Variants in SCARA3 observed in about 807,000 individuals in gnomAD.
The protein encoded by SCARA3 is cellular stress response gene protein.
In SCARA3, 39 loss-of-function variants were observed where a neutral mutation model predicts 47.0. That is an observed-to-expected ratio of 0.83 (90% CI 0.64 to 1.08). The LOEUF (loss-of-function observed/expected upper bound fraction) is 1.08, where lower values mean the gene tolerates loss of function less well. Ranked by LOEUF, SCARA3 falls within the 50% of genes least tolerant of loss-of-function variation. The probability of loss-of-function intolerance (pLI) is 0.00; values close to 1 mark genes in which losing one functional copy is unlikely to be tolerated. For missense variants in SCARA3, 724 were observed against 792.3 expected (o/e 0.91, Z 1.04); for synonymous variants, 356 against 334.1 (o/e 1.07, Z -0.71).
intron 1 of SCARA3, among the ~76,000 whole-genome samples, chr8:27,649,239 T>C (rs941354288): frequency 2.0e-5 from 3 of 152,174 alleles, no homozygotes; most frequent in African/African-American, 7.2e-5. Context: ...CTCCTCCCTC[T>C]GGCCTCCTCC....
intron 1 of SCARA3, among the ~76,000 whole-genome samples, chr8:27,634,621 C>A (rs905551423): frequency 1.3e-5 from 2 of 152,190 alleles, no homozygotes; most frequent in African/African-American, 4.8e-5. Flanking sequence ...AACCGGGGGC[C>A]AGGCCTAGGA....
chr8:27,696,305 T>A, the SCARA3 span, among the ~76,000 whole-genome samples: 2 of 152,266 alleles, frequency 1.3e-5, no homozygotes, highest in East Asian at 3.9e-4. Flanking sequence ...CCATCATGCC[T>A]GGCCAAGAGA....
chr8:27,711,616 T>C, the SCARA3 span, among the ~76,000 whole-genome samples: 4 of 152,220 alleles, frequency 2.6e-5, no homozygotes, highest in Non-Finnish European at 5.9e-5. Flanking sequence ...TAGGAAGTAC[T>C]CATTGCTACT....
chr8:27,648,989 G>A (rs1387350939), intron 1 of SCARA3, among the ~76,000 whole-genome samples: 1 of 152,072 alleles, frequency 6.6e-6, no homozygotes, highest in African/African-American at 2.4e-5. Context: ...AGGAGAAAGG[G>A]AAGAAAAGGC....
At chr8:27,691,212 T>G in the SCARA3 span, among the ~76,000 whole-genome samples, 4 of 151,250 alleles carry the variant, frequency 2.6e-5, no homozygotes, top group Admixed American at 2.6e-4. Context: ...AAGCAAGGAG[T>G]ATTTACATTT....
downstream of SCARA3, among the ~76,000 whole-genome samples, chr8:27,673,956 T>G (rs1269986417): frequency 6.6e-6 from 1 of 152,136 alleles, no homozygotes; most frequent in Non-Finnish European, 1.5e-5. Flanking sequence ...GTTGAGGGGT[T>G]TGCTGCACAT....
intron 1 of SCARA3, among the ~76,000 whole-genome samples, chr8:27,639,323 C>T (rs1801330773): frequency 6.6e-6 from 1 of 152,072 alleles, no homozygotes; most frequent in Non-Finnish European, 1.5e-5. Context: ...GCAGATGCCA[C>T]AAAAGAACAA....
downstream of SCARA3, among the ~76,000 whole-genome samples, chr8:27,680,510 A>C (rs913733003): frequency 6.6e-6 from 1 of 152,096 alleles, no homozygotes; most frequent in East Asian, 1.9e-4. Context: ...ACTAATACAA[A>C]AAGAAAATCT....
intron 5 of SCARA3, among the ~76,000 whole-genome samples, chr8:27,666,448 G>A (rs190174864): frequency 5.8e-4 from 88 of 152,284 alleles, no homozygotes; most frequent in African/African-American, 2.0e-3. Flanking sequence ...CTAGTCCATC[G>A]TAAGCAGAAG....
At chr8:27,696,369 A>G in the SCARA3 span, among the ~76,000 whole-genome samples, 1 of 152,212 alleles carries the variant, frequency 6.6e-6, no homozygotes, top group East Asian at 1.9e-4. Flanking sequence ...ACTGTTATTA[A>G]AAACCACTGA....
chr8:27,709,570 T>G, the SCARA3 span, among the ~76,000 whole-genome samples: 2 of 152,210 alleles, frequency 1.3e-5, no homozygotes, highest in Admixed American at 6.5e-5. Flanking sequence ...GTGCAAGTCC[T>G]AATAGAAGCC....
the SCARA3 span, among the ~76,000 whole-genome samples, chr8:27,728,533 T>C: frequency 1.3e-5 from 2 of 152,022 alleles, no homozygotes; most frequent in African/African-American, 4.8e-5. Context: ...AAACCCACCT[T>C]CTCCAGCCTC....
chr8:27,731,641 CAAA>C, the SCARA3 span, among the ~76,000 whole-genome samples: 35,684 of 99,184 alleles, frequency 0.36, 4,345 homozygotes, highest in East Asian at 0.46. Flanking sequence ...GACTCTGTCT[CAAA>C]AAAAAAAAAA....
chr8:27,715,141 A>T, the SCARA3 span, among the ~76,000 whole-genome samples: 76 of 152,092 alleles, frequency 5.0e-4, 1 homozygote, highest in East Asian at 0.014. The surrounding 1 kb of genome is among the most constrained non-coding windows in gnomAD (Gnocchi z 4.2). Flanking sequence ...GTTCAGGCTG[A>T]TGTCAAACTC....
the SCARA3 span, among the ~76,000 whole-genome samples, chr8:27,729,357 G>A: frequency 2.0e-5 from 3 of 152,214 alleles, no homozygotes; most frequent in Non-Finnish European, 2.9e-5. Flanking sequence ...CAGGATGTGA[G>A]CCACTTTCCT....
intron 4 of SCARA3, 52 bp from the exon 5 acceptor site, chr8:27,658,444 C>T (rs537014972): frequency 8.2e-6 from 12 of 1,456,780 alleles, no homozygotes; most frequent in Middle Eastern, 1.9e-4. Context: ...AAAGAGGAAG[C>T]GTCGTACCCT....
At position 27,671,843 on chromosome 8, in the gene SCARA3, G is replaced by A; in HGVS notation, c.*492G>A. ...CACATGCACATACACAGATTTTTCTGCTGGCCAGGTGGGCCAACTGGGTTT... is the reference window on the plus strand; with the variant it reads ...CACATGCACATACACAGATTTTTCTACTGGCCAGGTGGGCCAACTGGGTTT... On this transcript the variant is annotated 3_prime_UTR_variant, in exon 6 of 6. Coordinates refer to ENST00000301904, the MANE Select transcript of SCARA3 (RefSeq NM_016240.3). The A allele has an allele frequency of 2.0e-6, 2 of 985,638 alleles. No individual in the cohort carries two copies. Among genetic ancestry groups the A allele is most frequent in the Non-Finnish European group, 2.4e-6 (2 of 830,092 alleles). 61.1% of individuals were successfully genotyped at this position (985,638 alleles called of 1,614,324 possible).
intron 5 of SCARA3, among the ~76,000 whole-genome samples, chr8:27,668,263 G>A (rs900661596): frequency 2.0e-5 from 3 of 152,290 alleles, no homozygotes; most frequent in Admixed American, 6.5e-5. Flanking sequence ...ACAGATAGCC[G>A]GGCGCGGTGG....
the SCARA3 span, among the ~76,000 whole-genome samples, chr8:27,716,058 A>C: frequency 6.6e-6 from 1 of 152,034 alleles, no homozygotes; most frequent in African/African-American, 2.4e-5. Flanking sequence ...GTAATCCCAA[A>C]ACTTTGAGAG....
Sources: gnomAD v4.1 joint callset for allele counts (sites outside exome capture counted in the v4.1 genomes callset) on GRCh38, gnomAD v4.1.1 for gene constraint, Gnocchi (gnomAD v3.1) non-coding constraint, MANE v1.5 for transcripts, NCBI Gene and HGNC (gene_info 2026-07-23, HGNC 2026-07-21) for gene names.